Variants in MAMDC2 observed in about 807,000 individuals in gnomAD.
The protein encoded by MAMDC2 is MAM domain containing 2.
MAMDC2 carries 57 observed loss-of-function variants against 89.8 expected under a neutral mutation model. The ratio of observed to expected loss-of-function variants is 0.63; its 90% CI spans 0.51 to 0.79. The LOEUF is 0.79. MAMDC2 is among the 30% of genes least tolerant of loss of function. MAMDC2 has a pLI of 0.00. For missense variants in MAMDC2, 800 were observed against 820.6 expected (o/e 0.97, Z 0.31); for synonymous variants, 313 against 293.4 (o/e 1.07, Z -0.68).
chr9:70,095,203 C>T (rs1008722152), intron 2 of MAMDC2, among the ~76,000 whole-genome samples: 1 of 152,166 alleles, frequency 6.6e-6, no homozygotes, highest in Admixed American at 6.5e-5. Flanking sequence ...CGAGCCAGAA[C>T]ACCAAGGCCA....
rs6151026 is a variant in MAMDC2, at chr9:70,118,297, AACACAC to A, written c.643+5211_643+5216del. Among the ~76,000 whole-genome samples, 700 of 140,524 alleles carry A rather than the reference AACACAC, an allele frequency of 5.0e-3. 8 individuals are homozygous for A. Among genetic ancestry groups the A allele is most frequent in the African/African-American group, 0.015 (525 of 35,710 alleles). The allele number at this position is 140,524 out of a possible 152,430, so 92.2% of individuals were successfully genotyped here. On this transcript the variant is annotated intron_variant, in intron 5 of 13. Coordinates refer to ENST00000377182, the MANE Select transcript of MAMDC2 (RefSeq NM_153267.5). ...CATTCATTAGCCAACATCCCCACTC[AACACAC>A]ACACACACACACACACACACACACA...
chr9:70,200,609 G>A (rs1361556364), intron 11 of MAMDC2, among the ~76,000 whole-genome samples: 1 of 146,456 alleles, frequency 6.8e-6, no homozygotes, highest in East Asian at 2.1e-4. Context: ...GTAGCTTGAT[G>A]GGGATGGCAT....
In MAMDC2 at chr9:70,088,042, TAG is replaced by T. The variant is rs1827809827; in HGVS notation, c.149-20166_149-20165del. On this transcript the variant is annotated intron_variant, in intron 2 of 13. Coordinates refer to ENST00000377182, the MANE Select transcript of MAMDC2 (RefSeq NM_153267.5). ...AACATCTAGAAGTCTTGACACACTTTAGAGTGTTCAGTTGGGAAAGTAAAATA... is the reference window on the plus strand; with the variant it reads ...AACATCTAGAAGTCTTGACACACTTTAGTGTTCAGTTGGGAAAGTAAAATA... Among the ~76,000 whole-genome samples, 2 of 152,202 alleles carry T rather than the reference TAG, an allele frequency of 1.3e-5. 1 individual carries two copies. The highest frequency in any genetic ancestry group is 4.1e-4 in the South Asian group (2 of 4,834).
chr9:70,158,394 TA>T (rs1187710272), intron 9 of MAMDC2, among the ~76,000 whole-genome samples: 6 of 152,034 alleles, frequency 3.9e-5, no homozygotes, highest in African/African-American at 1.4e-4. Flanking sequence ...AATTAAAACA[TA>T]AATCTTTCAC....
chr9:70,212,127 C>T (rs977141646), intron 11 of MAMDC2, among the ~76,000 whole-genome samples: 5 of 152,214 alleles, frequency 3.3e-5, no homozygotes, highest in African/African-American at 1.2e-4. Context: ...AAACTCCATG[C>T]TGGGAGAACC....
rs767883286 is a variant in MAMDC2 at position 70,198,061 on chromosome 9, A to AT, written c.1652-20269dup. ...TACAATATATTTTTATAATTGTTCT[A>AT]TTTTTTTATTATTGTTGTTTATCTC... On this transcript the variant is annotated intron_variant, in intron 11 of 13. Transcript: ENST00000377182. Among the ~76,000 whole-genome samples, 44 of 148,136 alleles carry AT rather than the reference A, an allele frequency of 3.0e-4. 1 individual carries two copies. The Middle Eastern group carries it at 0.01, about 35-fold the overall frequency.
intron 11 of MAMDC2, among the ~76,000 whole-genome samples, chr9:70,197,180 C>A (rs536983279): frequency 4.6e-5 from 7 of 152,232 alleles, no homozygotes; most frequent in African/African-American, 1.7e-4. Context: ...AGACCCTAAT[C>A]TGGATGTAAT....
chr9:70,128,617 G>A (rs531126726), intron 6 of MAMDC2, among the ~76,000 whole-genome samples: 82 of 152,050 alleles, frequency 5.4e-4, no homozygotes, highest in Non-Finnish European at 1.0e-3. Flanking sequence ...AGCTAGGCTG[G>A]AACCTGAATA....
At chr9:70,099,416 G>A (rs1033655329) in intron 2 of MAMDC2, among the ~76,000 whole-genome samples, 1 of 152,134 alleles carries the variant, frequency 6.6e-6, no homozygotes, top group African/African-American at 2.4e-5. Flanking sequence ...TAAGCTGATG[G>A]CTTATACATA....
intron 4 of MAMDC2, among the ~76,000 whole-genome samples, chr9:70,111,496 A>G (rs1450148362): frequency 1.3e-5 from 2 of 152,188 alleles, no homozygotes. Flanking sequence ...TGCCTATGTC[A>G]TGGGGCTGCT....
At chr9:70,054,139 C>T (rs1305341353) in intron 2 of MAMDC2, among the ~76,000 whole-genome samples, 1 of 152,058 alleles carries the variant, frequency 6.6e-6, no homozygotes, top group East Asian at 1.9e-4. Flanking sequence ...GTGGAGACTT[C>T]GAGCAGGGCA....
chr9:70,210,843 A>C (rs2033340795), intron 11 of MAMDC2, among the ~76,000 whole-genome samples: 1 of 152,122 alleles, frequency 6.6e-6, no homozygotes, highest in Non-Finnish European at 1.5e-5. Context: ...AAAACCTCTC[A>C]GCATTTGTTT....
At chr9:70,214,635 C>G (rs1436996110) in intron 11 of MAMDC2, among the ~76,000 whole-genome samples, 4 of 152,114 alleles carry the variant, frequency 2.6e-5, no homozygotes, top group African/African-American at 9.7e-5. Flanking sequence ...TGCAGGGGAC[C>G]AGAGTAGAAG....
In MAMDC2 at chr9:70,221,380, T is replaced by TATAGAGAGAG; in HGVS notation, c.1911+2785_1911+2786insTAGAGAGAGA. On this transcript the variant is annotated intron_variant, in intron 12 of 13. Transcript: ENST00000377182. Reference sequence around the variant, plus strand: ...AAATATATATATATATATATATATATAGAGAGAGAGAGAGAGAGAGAGAGA... The same window carrying TATAGAGAGAG: ...AAATATATATATATATATATATATATATAGAGAGAGAGAGAGAGAGAGAGAGAGAGAGAGA... 3.1e-3 allele frequency among the ~76,000 whole-genome samples: 22 copies of TATAGAGAGAG among 7,044 alleles called. 2 individuals carry two copies. The highest frequency in any genetic ancestry group is 4.8e-3 in the African/African-American group (11 of 2,294). 4.6% of individuals were successfully genotyped at this position (7,044 alleles called of 152,430 possible).
Position 70,226,193 on chromosome 9 carries a change from G to T in MAMDC2, c.*161G>T. 2 of 462,322 alleles carry T rather than the reference G, an allele frequency of 4.3e-6. No individual in the cohort carries two copies. The highest frequency in any genetic ancestry group is 4.7e-5 in the South Asian group (1 of 21,168). The allele number at this position is 462,322 out of a possible 1,614,324, so 28.6% of individuals were successfully genotyped here. A position where few individuals can be genotyped will look rare whatever the true frequency, so the allele number is the denominator to read the frequency against. On this transcript the variant is annotated 3_prime_UTR_variant, in exon 14 of 14. Coordinates refer to ENST00000377182, the MANE Select transcript of MAMDC2 (RefSeq NM_153267.5). ...ACTTTTGCAAAAACATACTGACTCAGGGCTCTTTTTTTCTTTTTGCATATG... is the reference window on the plus strand; with the variant it reads ...ACTTTTGCAAAAACATACTGACTCATGGCTCTTTTTTTCTTTTTGCATATG...
In MAMDC2 at chr9:70,225,735, ATAT is replaced by A; in HGVS notation, c.1912-10_1912-8del. ...GATGATTCTATTTCTAAATTCAAAC[ATAT>A]TATTCTTTCAGATAATTTTTGAAGC... On this transcript the variant is annotated splice_polypyrimidine_tract_variant and intron_variant, in intron 12 of 13. Coordinates refer to ENST00000377182, the MANE Select transcript of MAMDC2 (RefSeq NM_153267.5). 6.7e-7 allele frequency: 1 copy of A among 1,493,826 alleles called. No homozygotes were observed. The highest frequency in any genetic ancestry group is 1.1e-5 in the South Asian group (1 of 88,434). 92.5% of individuals were successfully genotyped at this position (1,493,826 alleles called of 1,614,324 possible). A position where few individuals can be genotyped will look rare whatever the true frequency, so the allele number is the denominator to read the frequency against.
At chr9:70,170,114 A>T (rs1178368768) in intron 10 of MAMDC2, 2 of 177,182 alleles carry the variant, frequency 1.1e-5, no homozygotes, top group South Asian at 3.9e-4. Flanking sequence ...TTCTGAAGAA[A>T]GTGCCTGCAT....
intron 2 of MAMDC2, among the ~76,000 whole-genome samples, chr9:70,095,857 A>G (rs1180117666): frequency 6.6e-6 from 1 of 152,056 alleles, no homozygotes; most frequent in Non-Finnish European, 1.5e-5. Context: ...TGGTTAGAAG[A>G]CTCAACAATA....
intron 11 of MAMDC2, among the ~76,000 whole-genome samples, chr9:70,199,295 G>T (rs1232753612): frequency 7.2e-6 from 1 of 138,816 alleles, no homozygotes; most frequent in African/African-American, 2.7e-5. Flanking sequence ...GTGAGAATAT[G>T]CGGTGTTTGG....
Sources: gnomAD v4.1 joint callset for allele counts (sites outside exome capture counted in the v4.1 genomes callset) on GRCh38, gnomAD v4.1.1 for gene constraint, MANE v1.5 for transcripts, NCBI Gene and HGNC (gene_info 2026-07-23, HGNC 2026-07-21) for gene names.